The following ROBO2 variants were observed in gnomAD, a reference collection of about 807,000 sequenced individuals.
The protein encoded by ROBO2 is roundabout guidance receptor 2.
A neutral mutation model predicts 160.8 loss-of-function variants in ROBO2; 53 were observed. The observed-to-expected ratio is 0.33, with a 90% CI of 0.26 to 0.41. ROBO2 has a LOEUF of 0.41. Among genes scored for constraint, ROBO2 ranks in the 10% least tolerant of loss-of-function variants. The pLI is 1.00. For missense variants in ROBO2, 1,577 were observed against 1,722.4 expected (o/e 0.92, Z 1.49); for synonymous variants, 664 against 611.7 (o/e 1.09, Z -1.26).
intron 2 of ROBO2, among the ~76,000 whole-genome samples, chr3:77,450,903 G>T (rs185402202): frequency 1.2e-4 from 18 of 151,534 alleles, no homozygotes; most frequent in Admixed American, 4.6e-4. Flanking sequence ...TCGGAGTATA[G>T]TGAAATTTAT....
At chr3:76,090,747 AGAACG>A (rs762192370) in intron 2 of ROBO2, among the ~76,000 whole-genome samples, 30 of 152,246 alleles carry the variant, frequency 2.0e-4, no homozygotes, top group East Asian at 1.2e-3. Context: ...ACAGACACAT[AGAACG>A]GAACGGAACG....
intron 2 of ROBO2, among the ~76,000 whole-genome samples, chr3:76,267,507 A>G (rs1016190085): frequency 2.6e-5 from 4 of 152,144 alleles, no homozygotes; most frequent in Admixed American, 1.3e-4. Flanking sequence ...CTTTAAATAG[A>G]CACTAAGCCT....
chr3:76,303,544 G>A (rs756771773), intron 2 of ROBO2, among the ~76,000 whole-genome samples: 37 of 151,980 alleles, frequency 2.4e-4, no homozygotes, highest in Non-Finnish European at 5.0e-4. Context: ...AAACCACAGA[G>A]TGGTGTACTA....
chr3:76,954,524 A>G (rs986048001), intron 2 of ROBO2, among the ~76,000 whole-genome samples: 1 of 152,186 alleles, frequency 6.6e-6, no homozygotes, highest in African/African-American at 2.4e-5. Context: ...ACACTTGGGA[A>G]CAGATTAATT....
chr3:76,865,574 T>C (rs974314948), intron 2 of ROBO2, among the ~76,000 whole-genome samples: 1 of 152,152 alleles, frequency 6.6e-6, no homozygotes, highest in Admixed American at 6.6e-5. Context: ...ACAGTCTAGA[T>C]TAACTTAAAA....
intron 2 of ROBO2, among the ~76,000 whole-genome samples, chr3:77,159,907 G>A (rs2078335905): frequency 6.6e-6 from 1 of 151,958 alleles, no homozygotes; most frequent in Non-Finnish European, 1.5e-5. Flanking sequence ...TTCAGCAATG[G>A]GATTAAATAT....
At chr3:77,210,793 G>C (rs1339805066) in intron 2 of ROBO2, among the ~76,000 whole-genome samples, 2 of 145,714 alleles carry the variant, frequency 1.4e-5, no homozygotes, top group Admixed American at 1.4e-4. Flanking sequence ...CTGTGTCCAT[G>C]AGTTCTCATT....
chr3:77,563,355 A>C, intron 11 of ROBO2, 26 bp downstream of exon 12: 2 of 1,611,456 alleles, frequency 1.2e-6, no homozygotes, highest in Non-Finnish European at 1.7e-6. Context: ...TTCTTTCTCC[A>C]CTGGGTTTTG....
chr3:76,086,023 T>C (rs1285166315), intron 2 of ROBO2, among the ~76,000 whole-genome samples: 2 of 152,176 alleles, frequency 1.3e-5, no homozygotes, highest in East Asian at 3.8e-4. Context: ...TGGGGTATTG[T>C]CAAAGCCTAA....
chr3:76,099,907 C>A (rs1039018632), intron 2 of ROBO2, among the ~76,000 whole-genome samples: 3 of 152,080 alleles, frequency 2.0e-5, no homozygotes, highest in Non-Finnish European at 4.4e-5. Flanking sequence ...ATATATTGGC[C>A]AAATTTTCAG....
At chr3:76,483,981 T>C (rs558159328) in intron 2 of ROBO2, among the ~76,000 whole-genome samples, 1 of 152,290 alleles carries the variant, frequency 6.6e-6, no homozygotes, top group African/African-American at 2.4e-5. Flanking sequence ...GTCATTTAGG[T>C]TGATTACACG....
At chr3:77,476,743 G>A (rs912921018) in intron 2 of ROBO2, among the ~76,000 whole-genome samples, 1 of 152,146 alleles carries the variant, frequency 6.6e-6, no homozygotes, top group Non-Finnish European at 1.5e-5. Flanking sequence ...TCTCCTTAAT[G>A]AAAGGAGGGA....
At chr3:76,427,359 T>C (rs1276474758) in intron 2 of ROBO2, among the ~76,000 whole-genome samples, 3 of 152,050 alleles carry the variant, frequency 2.0e-5, no homozygotes, top group African/African-American at 7.2e-5. Flanking sequence ...ATGATAGATA[T>C]GATCTGGAGA....
chr3:76,264,533 G>A (rs1706979063), intron 2 of ROBO2, among the ~76,000 whole-genome samples: 1 of 152,220 alleles, frequency 6.6e-6, no homozygotes, highest in Non-Finnish European at 1.5e-5. Flanking sequence ...CCTTTCCGAT[G>A]AAATGGATGC....
chr3:77,108,373 T>C lies in ROBO2; in HGVS notation c.388+10033T>C, dbSNP rs568275709. ...TGTGATATTAGAGATGTGATCCCACTCACTGTGTTGCCTAGGCTGGTCTGG... is the reference window on the plus strand; with the variant it reads ...TGTGATATTAGAGATGTGATCCCACCCACTGTGTTGCCTAGGCTGGTCTGG... On this transcript the variant is annotated intron_variant, in intron 2 of 25. Transcript: ENST00000461745. Among the ~76,000 whole-genome samples, 21 of 151,994 alleles carry C rather than the reference T, an allele frequency of 1.4e-4. 1 individual carries two copies. Among genetic ancestry groups the C allele is most frequent in the East Asian group, 7.8e-4 (4 of 5,148 alleles).
intron 2 of ROBO2, among the ~76,000 whole-genome samples, chr3:76,835,323 A>C (rs1340808235): frequency 6.7e-6 from 1 of 149,898 alleles, no homozygotes. Flanking sequence ...GTTATTTTTA[A>C]AATAAAGGGA....
intron 2 of ROBO2, among the ~76,000 whole-genome samples, chr3:76,441,691 T>C (rs1300200790): frequency 2.6e-5 from 4 of 152,200 alleles, no homozygotes; most frequent in Admixed American, 2.6e-4. Flanking sequence ...TCCATTTGTA[T>C]TGGGAGACAA....
intron 2 of ROBO2, among the ~76,000 whole-genome samples, chr3:76,747,238 T>A (rs2093908731): frequency 6.6e-6 from 1 of 152,160 alleles, no homozygotes; most frequent in South Asian, 2.1e-4. Context: ...TTTAGTTTAG[T>A]TGAACAACAA....
chr3:76,073,930 G>A (rs1021751322), intron 2 of ROBO2, among the ~76,000 whole-genome samples: 3 of 152,092 alleles, frequency 2.0e-5, no homozygotes, highest in African/African-American at 4.8e-5. Context: ...TGTGGGGCCC[G>A]TGTGGAAATG....
Sources: allele counts gnomAD v4.1 joint callset (sites outside exome capture counted in the v4.1 genomes callset), GRCh38; gene constraint gnomAD v4.1.1; transcripts MANE v1.5; gene names NCBI Gene and HGNC (gene_info 2026-07-23, HGNC 2026-07-21).